Variants in UTRN observed in about 807,000 individuals in gnomAD.
The protein encoded by UTRN is dystrophin-related protein 1.
In UTRN, 283 loss-of-function variants were observed where a neutral mutation model predicts 463.9. That is an observed-to-expected ratio of 0.61 (90% CI 0.55 to 0.67). UTRN has a LOEUF of 0.67. Ranked by LOEUF, UTRN falls within the 30% of genes least tolerant of loss-of-function variation. The pLI is 0.00. For synonymous variants in UTRN, 1,442 were observed against 1,431.5 expected, an observed-to-expected ratio of 1.01 and a Z score of -0.17; for missense variants, 3,922 against 4,084.3, an observed-to-expected ratio of 0.96 and a Z score of 1.08.
Position 144,835,657 on chromosome 6 carries a change from C to T in UTRN, c.9666-123C>T, listed in dbSNP as rs1221272814. The T allele has an allele frequency of 4.6e-6, 6 of 1,304,892 alleles. No homozygotes were observed. The Admixed American group carries it at 8.4e-5, about 18-fold the overall frequency. 80.8% of individuals were successfully genotyped at this position (1,304,892 alleles called of 1,614,324 possible). A position where few individuals can be genotyped will look rare whatever the true frequency, so the allele number is the denominator to read the frequency against. On this transcript the variant is annotated intron_variant, in intron 69 of 74. Coordinates refer to ENST00000367545, the MANE Select transcript of UTRN (RefSeq NM_007124.3). ...TTTTAAAAGGGAGGTCATGGAGACA[C>T]TGAGCTCTAAGACAAACTTGGCCCA... is the stretch of plus-strand genomic sequence containing the variant.
Position 144,421,911 on chromosome 6 carries a change from G to C in UTRN, c.175G>C (p.Asp59His). 1 of 1,612,986 alleles carries C rather than the reference G, an allele frequency of 6.2e-7. No homozygotes were observed. Among genetic ancestry groups the C allele is most frequent in the South Asian group, 1.1e-5 (1 of 90,882 alleles). ...ACCACCCATCAATGATATGTTCACA[G>C]ACCTCAAAGATGGAAGGAAGCTATT... The part of the protein sequence containing the change: ...GKPPINDMFT[D>H]LKDGRKLLDL... The change falls in exon 4 of 75, where the codon GAC (aspartate) becomes CAC (histidine). Residue 59 changes from aspartate to histidine, a missense_variant. Physicochemically the swap from Asp to His is moderately conservative, Grantham distance 81. This residue lies in a region of UTRN where 264 missense variants were observed against 327.9 expected (regional missense o/e 0.81). Coordinates refer to ENST00000367545, the MANE Select transcript of UTRN (RefSeq NM_007124.3).
chr6:144,449,891 A>G (rs1562417539), intron 17 of UTRN, among the ~76,000 whole-genome samples: 2 of 152,216 alleles, frequency 1.3e-5, no homozygotes. Context: ...CTGTGAGCTC[A>G]GTACCTTCAT....
At chr6:144,452,124 A>C (rs985508737) in intron 18 of UTRN, among the ~76,000 whole-genome samples, 3 of 152,344 alleles carry the variant, frequency 2.0e-5, no homozygotes, top group African/African-American at 7.2e-5. Flanking sequence ...GCAAAAAATC[A>C]ACTTGTAAAA....
chr6:144,774,409 GTTT>G, intron 60 of UTRN, 45 bp downstream of exon 60: 1 of 1,277,694 alleles, frequency 7.8e-7, no homozygotes, highest in Admixed American at 2.8e-5. Context: ...CTTGAATTGC[GTTT>G]TTTTTTTTTC....
intron 44 of UTRN, 87 bp downstream of exon 44, chr6:144,537,804 G>A (rs1384401678): frequency 4.6e-5 from 70 of 1,509,796 alleles, no homozygotes; most frequent in Non-Finnish European, 5.8e-5. Context: ...AGAAGAAAAG[G>A]GAAAAGAAAC....
intron 51 of UTRN, among the ~76,000 whole-genome samples, chr6:144,648,299 C>T (rs1009775899): frequency 1.4e-4 from 21 of 152,062 alleles, no homozygotes; most frequent in Non-Finnish European, 1.3e-4. Flanking sequence ...AGCAGTTTAC[C>T]CTAATATCCA....
chr6:144,423,400 A>G (rs1785022619), intron 4 of UTRN, 149 bp from the exon 5 acceptor site: 2 of 675,672 alleles, frequency 3.0e-6, no homozygotes, highest in East Asian at 5.5e-5. Context: ...ACCAGCTTCC[A>G]GGGTGGTAAC....
At chr6:144,347,321 C>T (rs1428810346) in intron 2 of UTRN, among the ~76,000 whole-genome samples, 1 of 152,188 alleles carries the variant, frequency 6.6e-6, no homozygotes, top group African/African-American at 2.4e-5. Context: ...AAAAGCCAGC[C>T]AAGGGTGTCC....
intron 63 of UTRN, among the ~76,000 whole-genome samples, chr6:144,794,469 A>T (rs1194082832): frequency 6.6e-6 from 1 of 152,074 alleles, no homozygotes; most frequent in Non-Finnish European, 1.5e-5. Flanking sequence ...TCTTTCTCTG[A>T]CCTCTTCAGA....
chr6:144,393,161 G>A (rs922315782), intron 2 of UTRN, among the ~76,000 whole-genome samples: 4 of 152,194 alleles, frequency 2.6e-5, no homozygotes, highest in Admixed American at 1.3e-4. Context: ...GACTCCTCTT[G>A]TCAGAAAATA....
intron 53 of UTRN, among the ~76,000 whole-genome samples, chr6:144,719,624 T>C (rs1786887953): frequency 6.6e-6 from 1 of 152,070 alleles, no homozygotes; most frequent in African/African-American, 2.4e-5. Context: ...GCCTTCTGAA[T>C]TGCAAAGACC....
chr6:144,487,545 C>T lies in UTRN; in HGVS notation c.3823-3C>T. 6.3e-7 allele frequency: 1 copy of T among 1,589,654 alleles called. No individual in the cohort carries two copies. Among genetic ancestry groups the T allele is most frequent in the South Asian group, 1.1e-5 (1 of 87,210 alleles). On this transcript the variant is annotated splice_region_variant and splice_polypyrimidine_tract_variant and intron_variant, in intron 28 of 74. Coordinates refer to ENST00000367545, the MANE Select transcript of UTRN (RefSeq NM_007124.3). ...TTATTTTTTTTTCCCATCTCCATTC[C>T]AGTCTCTGGAATCTGTTCTGCGCCA... is the stretch of plus-strand genomic sequence containing the variant.
rs1289465475 is a variant in UTRN, at chr6:144,824,606, A to T, written c.9495-2742A>T. 1.9e-4 allele frequency among the ~76,000 whole-genome samples: 7 copies of T among 36,910 alleles called. 1 individual carries two copies. The highest frequency in any genetic ancestry group is 2.7e-3 in the East Asian group (1 of 364). 24.2% of individuals were successfully genotyped at this position (36,910 alleles called of 152,430 possible). A position where few individuals can be genotyped will look rare whatever the true frequency, so the allele number is the denominator to read the frequency against. On this transcript the variant is annotated intron_variant, in intron 66 of 74. Transcript: ENST00000367545. ...TATATATATATATATATATATATAT[A>T]TATATATCTTTTTTTTTTTTTTTTT... is the stretch of plus-strand genomic sequence containing the variant.
At chr6:144,411,648 T>C (rs1275458316) in intron 3 of UTRN, among the ~76,000 whole-genome samples, 2 of 152,202 alleles carry the variant, frequency 1.3e-5, no homozygotes, top group Non-Finnish European at 2.9e-5. Flanking sequence ...TTTTACAGTA[T>C]TTTATAGTTC....
chr6:144,458,365 A>G (rs1789082075), intron 19 of UTRN, among the ~76,000 whole-genome samples: 1 of 152,096 alleles, frequency 6.6e-6, no homozygotes, highest in Admixed American at 6.5e-5. Context: ...TTTTCTAGCC[A>G]GCTTTCTTTT....
At chr6:144,423,916 A>C in intron 5 of UTRN, 70 bp from the exon 6 acceptor site, 3 of 1,493,506 alleles carry the variant, frequency 2.0e-6, no homozygotes, top group Non-Finnish European at 2.8e-6. Context: ...GCTAAAATAA[A>C]AACCTGGAGT....
intron 53 of UTRN, among the ~76,000 whole-genome samples, chr6:144,709,305 T>A (rs1329034035): frequency 6.6e-6 from 1 of 152,240 alleles, no homozygotes; most frequent in African/African-American, 2.4e-5. Flanking sequence ...ATGTTTTAGC[T>A]TACTGAAATA....
intron 9 of UTRN, among the ~76,000 whole-genome samples, chr6:144,433,703 T>C (rs1786196728): frequency 7.0e-6 from 1 of 142,768 alleles, no homozygotes; most frequent in Admixed American, 6.9e-5. Context: ...ACATCCCAGA[T>C]GGGGTGGCGG....
At position 144,793,952 on chromosome 6, in the gene UTRN, C is replaced by T. The variant is rs373533590; in HGVS notation, c.9039C>T (p.Gly3013=). ...TAGGTGAAGTAGCAGCTTTTGGAGG[C>T]AGTAATATTGAGCCTAGTGTTCGCA... The part of the protein sequence containing the change: ...RQLGEVAAFG[G]SNIEPSVRSC... The change falls in exon 63 of 75, where the codon GGC becomes GGT. Residue 3013 remains glycine (G), a synonymous_variant. Transcript: ENST00000367545. 1 of 1,613,900 alleles carries T rather than the reference C, an allele frequency of 6.2e-7. No homozygotes were observed. Among genetic ancestry groups the T allele is most frequent in the African/African-American group, 1.3e-5 (1 of 74,894 alleles).
Sources: gnomAD v4.1 joint callset for allele counts (sites outside exome capture counted in the v4.1 genomes callset) on GRCh38, gnomAD v4.1.1 for gene constraint, gnomAD v4.1.1 regional missense constraint, MANE v1.5 for transcripts, NCBI Gene and HGNC (gene_info 2026-07-23, HGNC 2026-07-21) for gene names.